The following NEBL variants were observed in gnomAD, a reference collection of about 807,000 sequenced individuals.
The protein encoded by NEBL is nebulette.
A neutral mutation model predicts 140.2 loss-of-function variants in NEBL; 122 were observed. The observed-to-expected ratio is 0.87, with a 90% confidence interval of 0.75 to 1.01. The LOEUF (loss-of-function observed/expected upper bound fraction) is 1.01, where lower values mean the gene tolerates loss of function less well. Ranked by LOEUF, NEBL falls within the 50% of genes least tolerant of loss-of-function variation. The pLI is 0.00. For synonymous variants in NEBL, 436 were observed against 398.9 expected (o/e 1.09, Z -1.11); for missense variants, 1,365 against 1,231.3 (o/e 1.11, Z -1.62).
intron 2 of NEBL, among the ~76,000 whole-genome samples, chr10:21,021,092 C>T (rs1329523753): frequency 1.3e-5 from 2 of 152,148 alleles, no homozygotes; most frequent in Non-Finnish European, 2.9e-5. Flanking sequence ...TGCCCCGTAG[C>T]CCAAGTCAGA....
At chr10:21,121,950 G>A (rs988931088) in intron 2 of NEBL, among the ~76,000 whole-genome samples, 1 of 152,164 alleles carries the variant, frequency 6.6e-6, no homozygotes, top group Non-Finnish European at 1.5e-5. Context: ...AAGTTAACAG[G>A]TAATGTACAT....
intron 3 of NEBL, among the ~76,000 whole-genome samples, chr10:20,998,910 A>T (rs10828168): frequency 0.12 from 18,215 of 152,030 alleles, 2,455 homozygotes; most frequent in East Asian, 0.43. Flanking sequence ...ATGGAAGGTC[A>T]CACCGCAGCA....
At chr10:21,030,530 C>T (rs1432284897) in intron 2 of NEBL, 2 of 801,330 alleles carry the variant, frequency 2.5e-6, no homozygotes, top group Non-Finnish European at 4.2e-6. Context: ...AAGTGAGGTT[C>T]TAACCCTCCT....
intron 3 of NEBL, among the ~76,000 whole-genome samples, chr10:21,204,867 G>A (rs558178438): frequency 5.9e-5 from 9 of 152,170 alleles, no homozygotes; most frequent in South Asian, 4.1e-4. Flanking sequence ...TGCACTCCCC[G>A]TCATGAAACC....
chr10:20,843,080 A>G (rs1176019865), intron 12 of NEBL, among the ~76,000 whole-genome samples: 2 of 152,228 alleles, frequency 1.3e-5, no homozygotes, highest in East Asian at 3.9e-4. Context: ...CCGTACTTGA[A>G]GGTGGGACCT....
intron 1 of NEBL, among the ~76,000 whole-genome samples, chr10:21,286,047 CCT>C (rs1843051022): frequency 6.6e-6 from 1 of 152,212 alleles, no homozygotes; most frequent in South Asian, 2.1e-4. Flanking sequence ...TGGTTCTCCC[CCT>C]CTCTTTAGAC....
chr10:20,846,714 T>C (rs1348395807), intron 11 of NEBL, among the ~76,000 whole-genome samples: 1 of 152,180 alleles, frequency 6.6e-6, no homozygotes, highest in East Asian at 1.9e-4. Context: ...AATAGAAATA[T>C]GTCTATGCAT....
At chr10:20,864,551 G>C (rs1410286216) in intron 7 of NEBL, among the ~76,000 whole-genome samples, 2 of 152,076 alleles carry the variant, frequency 1.3e-5, no homozygotes, top group Non-Finnish European at 2.9e-5. Context: ...CATCAGACAG[G>C]TCTTATCTCC....
intron 8 of NEBL, among the ~76,000 whole-genome samples, chr10:20,858,851 T>A (rs972290618): frequency 7.9e-5 from 12 of 152,288 alleles, no homozygotes; most frequent in Admixed American, 6.5e-4. Context: ...TATTAAGTAT[T>A]GAATCTCCAC....
At chr10:21,197,571 A>C (rs1274232720) in intron 3 of NEBL, among the ~76,000 whole-genome samples, 1 of 152,166 alleles carries the variant, frequency 6.6e-6, no homozygotes, top group East Asian at 1.9e-4. Context: ...GGAGAAACAA[A>C]AATGAAAATA....
intron 3 of NEBL, among the ~76,000 whole-genome samples, chr10:21,233,989 G>T (rs1453164558): frequency 5.0e-5 from 7 of 140,734 alleles, no homozygotes; most frequent in Non-Finnish European, 9.1e-5. Flanking sequence ...ATTATAAGTA[G>T]TATAATTTAG....
rs1335469380 is a variant in NEBL at position 20,783,934 on chromosome 10, A to G, written c.*1813T>C. The G allele has an allele frequency of 6.6e-6, 1 of 152,456 alleles. No homozygotes were observed. Among genetic ancestry groups the G allele is most frequent in the Non-Finnish European group, 1.5e-5 (1 of 68,026 alleles). The allele number at this position is 152,456 out of a possible 1,614,324, so 9.4% of individuals were successfully genotyped here. A position where few individuals can be genotyped will look rare whatever the true frequency, so the allele number is the denominator to read the frequency against. On this transcript the variant is annotated 3_prime_UTR_variant, in exon 28 of 28. Coordinates refer to ENST00000377122, the MANE Select transcript of NEBL (RefSeq NM_006393.3). ...GCATTTATTTTTTCAACTTTATGTC[A>G]GTGACATATAGATGCAGCTTCAGTG...
intron 3 of NEBL, among the ~76,000 whole-genome samples, chr10:21,202,983 G>C (rs1336092984): frequency 6.6e-6 from 1 of 152,196 alleles, no homozygotes; most frequent in Non-Finnish European, 1.5e-5. Context: ...CGGCATGTTA[G>C]AGTTAGCAAG....
At chr10:20,953,955 G>A (rs754851431) in intron 4 of NEBL, among the ~76,000 whole-genome samples, 1 of 150,460 alleles carries the variant, frequency 6.6e-6, no homozygotes, top group African/African-American at 2.4e-5. Flanking sequence ...GCTCCACTAT[G>A]GCAGATATTC....
In NEBL at chr10:20,831,455, A is replaced by G; in HGVS notation, c.1560+18T>C. 1.3e-6 allele frequency: 2 copies of G among 1,576,056 alleles called. No homozygotes were observed. The highest frequency in any genetic ancestry group is 1.7e-6 in the Non-Finnish European group (2 of 1,146,804). Reference sequence around the variant, plus strand: ...TCACGGCATTTATTTTAAACTTTGTATCTTGCTGCTGTCTTACCTGGCTGG... The same window carrying G: ...TCACGGCATTTATTTTAAACTTTGTGTCTTGCTGCTGTCTTACCTGGCTGG... On this transcript the variant is annotated intron_variant, in intron 15 of 27. Transcript: ENST00000377122.
chr10:21,195,367 T>C (rs1841632382), intron 3 of NEBL, among the ~76,000 whole-genome samples: 1 of 152,238 alleles, frequency 6.6e-6, no homozygotes, highest in Non-Finnish European at 1.5e-5. Context: ...GGGTGTTTTC[T>C]AAAAACATAA....
In NEBL at chr10:20,850,253, G is replaced by C. The variant is rs978977903; in HGVS notation, c.1116+142C>G. The C allele has an allele frequency of 5.0e-5, 34 of 682,470 alleles. No individual in the cohort carries two copies. In the African/African-American group the frequency reaches 5.5e-4, roughly 11 times the overall value. 42.3% of individuals were successfully genotyped at this position (682,470 alleles called of 1,614,324 possible). On this transcript the variant is annotated intron_variant, in intron 11 of 27. Transcript: ENST00000377122. Reference sequence around the variant, plus strand: ...GACCTAGACAAGATCCCAGGCAGTGGGTGGCTGGGTCTAGAAAGCAGGTCC... The same window carrying C: ...GACCTAGACAAGATCCCAGGCAGTGCGTGGCTGGGTCTAGAAAGCAGGTCC...
chr10:21,085,106 C>T (rs1836564151), intron 2 of NEBL, among the ~76,000 whole-genome samples: 1 of 152,208 alleles, frequency 6.6e-6, no homozygotes, highest in South Asian at 2.1e-4. Flanking sequence ...GAAGACAAAC[C>T]TACCAGCGAT....
At chr10:20,999,148 G>T (rs377554473) in intron 3 of NEBL, among the ~76,000 whole-genome samples, 2 of 148,544 alleles carry the variant, frequency 1.3e-5, no homozygotes, top group African/African-American at 2.5e-5. Context: ...CAGAAACCCA[G>T]AGGTGTGTGG....
Sources: allele counts gnomAD v4.1 joint callset (sites outside exome capture counted in the v4.1 genomes callset), GRCh38; gene constraint gnomAD v4.1.1; transcripts MANE v1.5; gene names NCBI Gene and HGNC (gene_info 2026-07-23, HGNC 2026-07-21).